UTP18: variants seen among roughly 807,000 people sequenced by gnomAD.
UTP18 encodes U3 small nucleolar RNA-associated protein 18 homolog.
A neutral mutation model predicts 61.1 loss-of-function variants in UTP18; 36 were observed. The observed-to-expected ratio is 0.59, with a 90% confidence interval of 0.45 to 0.78. The LOEUF is 0.78. Ranked by LOEUF, UTP18 falls within the 30% of genes least tolerant of loss-of-function variation. The pLI is 0.00. For synonymous variants in UTP18, 282 were observed against 251.1 expected (o/e 1.12, Z -1.16); for missense variants, 753 against 693.9 (o/e 1.09, Z -0.96).
chr17:51,261,059 C>T, intron 1 of UTP18, 133 bp downstream of exon 1: 1 of 825,694 alleles, frequency 1.2e-6, no homozygotes, highest in Non-Finnish European at 1.6e-6. Flanking sequence ...CCCGAGAACG[C>T]GGGCGCGGAG....
At chr17:51,281,537 A>G (rs1462824090) in intron 9 of UTP18, among the ~76,000 whole-genome samples, 2 of 152,168 alleles carry the variant, frequency 1.3e-5, no homozygotes, top group Admixed American at 6.5e-5. Context: ...AAATCGTAGA[A>G]ATAGAGAATA....
In UTP18 at chr17:51,260,745, C is replaced by A. The variant is rs377075898; in HGVS notation, c.161C>A (p.Pro54Gln). ...PSSQRKPPAR[P>Q]SAAAAAIAVA... ...TCCCAGCGGAAACCGCCGGCCCGGC[C>A]GAGCGCGGCGGCCGCTGCGATTGCA... The change falls in exon 1 of 14, where the codon CCG becomes CAG. Residue 54 changes from proline to glutamine, a missense_variant. Transcript: ENST00000225298. The A allele has an allele frequency of 4.7e-5, 74 of 1,584,536 alleles. 1 individual carries two copies. The African/African-American group carries it at 9.0e-4, about 19-fold the overall frequency.
At chr17:51,280,270 A>T (rs991166867) in intron 8 of UTP18, 119 bp from the exon 9 acceptor site, 12 of 1,324,308 alleles carry the variant, frequency 9.1e-6, no homozygotes, top group Middle Eastern at 2.3e-4. Flanking sequence ...TTTTGATTAC[A>T]GGGAAAAATA....
rs150507626 is a variant in UTP18, at chr17:51,287,094, T to C, written c.1329-935T>C. On this transcript the variant is annotated intron_variant, in intron 10 of 13. Coordinates refer to ENST00000225298, the MANE Select transcript of UTP18 (RefSeq NM_016001.3). ...GGCAAGAAAAACTGCGCAGAAATGA[T>C]CTTCACTCAGATTTGTGAAGCCAGT... 7.6e-3 allele frequency among the ~76,000 whole-genome samples: 1,141 copies of C among 150,762 alleles called. 17 individuals carry two copies. The highest frequency in any genetic ancestry group is 0.026 in the African/African-American group (1,090 of 41,340).
chr17:51,262,202 C>T (rs1396738769), intron 1 of UTP18, among the ~76,000 whole-genome samples: 1 of 152,000 alleles, frequency 6.6e-6, no homozygotes, highest in Non-Finnish European at 1.5e-5. Flanking sequence ...CTGCCTCAGC[C>T]TCTGGAGTAG....
chr17:51,270,416 C>G (rs1197559333), intron 4 of UTP18, among the ~76,000 whole-genome samples: 1 of 152,136 alleles, frequency 6.6e-6, no homozygotes, highest in African/African-American at 2.4e-5. Flanking sequence ...ATTTTATTAT[C>G]CATTTCAGAA....
Position 51,275,955 on chromosome 17 carries a change from G to A in UTP18, c.801G>A (p.Met267Ile), listed in dbSNP as rs1904708377. The A allele has an allele frequency of 3.1e-6, 5 of 1,612,592 alleles. No individual in the cohort carries two copies. The highest frequency in any genetic ancestry group is 4.2e-6 in the Non-Finnish European group (5 of 1,179,506). ...VQFHPGAQIV[M>I]VAGLDNAVSL... ...TCCATCCCGGTGCACAGATTGTGAT[G>A]GTTGCTGGATTAGATAATGCTGTAT... Residue 267 changes from methionine (M) to isoleucine (I), a missense_variant, in exon 6 of 14, where the codon ATG (methionine) becomes ATA (isoleucine). Met to Ile is a conservative substitution (Grantham distance 10). Transcript: ENST00000225298.
intron 7 of UTP18, among the ~76,000 whole-genome samples, chr17:51,277,509 A>G (rs758609033): frequency 6.6e-6 from 1 of 152,222 alleles, no homozygotes; most frequent in Non-Finnish European, 1.5e-5. Flanking sequence ...TTACGGAATG[A>G]TCATAATTTG....
chr17:51,281,223 G>A (rs1295112023), intron 9 of UTP18, among the ~76,000 whole-genome samples: 1 of 150,044 alleles, frequency 6.7e-6, no homozygotes, highest in Non-Finnish European at 1.5e-5. Flanking sequence ...TAGAAAATCA[G>A]ATCTATTTTT....
At chr17:51,288,617 G>T in intron 11 of UTP18, 2 of 456,264 alleles carry the variant, frequency 4.4e-6, no homozygotes, top group South Asian at 1.5e-5. Flanking sequence ...AAATTAAATT[G>T]TATAAAAGTA....
chr17:51,262,483 TCTAA>T (rs1221609933), intron 1 of UTP18, among the ~76,000 whole-genome samples: 3 of 152,128 alleles, frequency 2.0e-5, no homozygotes, highest in African/African-American at 7.2e-5. Flanking sequence ...AGAGATACGG[TCTAA>T]CTTTGTCACC....
intron 11 of UTP18, among the ~76,000 whole-genome samples, chr17:51,292,484 G>A (rs943478439): frequency 2.6e-5 from 4 of 152,252 alleles, no homozygotes; most frequent in Non-Finnish European, 5.9e-5. Flanking sequence ...GGCCTAATAT[G>A]TGACTGACTG....
At chr17:51,262,002 A>G (rs889032066) in intron 1 of UTP18, among the ~76,000 whole-genome samples, 1 of 152,188 alleles carries the variant, frequency 6.6e-6, no homozygotes, top group Non-Finnish European at 1.5e-5. Context: ...GACTAGTAGT[A>G]GAGCAAGTAG....
intron 3 of UTP18, among the ~76,000 whole-genome samples, chr17:51,268,007 G>GTTTTTTTTTTTTTTTTTTTT (rs766635231): frequency 1.5e-5 from 2 of 130,604 alleles, no homozygotes; most frequent in Admixed American, 7.6e-5. Context: ...TTTGTTTTTT[G>GTTTTTTTTTTTTTTTTTTTT]TTTTTTGTTT....
At chr17:51,287,886 C>T (rs971840867) in intron 10 of UTP18, 143 bp from the exon 11 acceptor site, 33 of 523,544 alleles carry the variant, frequency 6.3e-5, no homozygotes, top group Non-Finnish European at 9.5e-5. Flanking sequence ...TATAGGACAT[C>T]TGTGGCTATA....
chr17:51,280,518 C>A, intron 9 of UTP18, 39 bp downstream of exon 9: 7 of 1,606,540 alleles, frequency 4.4e-6, no homozygotes, highest in Non-Finnish European at 6.0e-6. Flanking sequence ...GATATTTTTA[C>A]ATTTTAAATT....
intron 1 of UTP18, among the ~76,000 whole-genome samples, chr17:51,262,091 AT>A (rs770103950): frequency 6.1e-3 from 862 of 142,204 alleles, no homozygotes; most frequent in Non-Finnish European, 6.5e-3. Flanking sequence ...CTAGGTTTAG[AT>A]TTTTTTTTTT....
chr17:51,263,050 C>T (rs1445524997), intron 1 of UTP18, among the ~76,000 whole-genome samples: 1 of 152,198 alleles, frequency 6.6e-6, no homozygotes, highest in Non-Finnish European at 1.5e-5. Flanking sequence ...GACTTTTTCT[C>T]CTTGACTGTT....
At position 51,268,910 on chromosome 17, in the gene UTP18, C is replaced by G. The variant is rs749813973; in HGVS notation, c.622+6C>G. 6.2e-7 allele frequency: 1 copy of G among 1,612,936 alleles called. No homozygotes were observed. Among genetic ancestry groups the G allele is most frequent in the Non-Finnish European group, 8.5e-7 (1 of 1,179,166 alleles). On this transcript the variant is annotated splice_donor_region_variant and intron_variant, in intron 4 of 13. Coordinates refer to ENST00000225298, the MANE Select transcript of UTP18 (RefSeq NM_016001.3). Reference sequence around the variant, plus strand: ...GCGGAAAACATCTTCAGATGGTGAGCGTTGATATTTCTGTTTAAATTAGTA... The same window carrying G: ...GCGGAAAACATCTTCAGATGGTGAGGGTTGATATTTCTGTTTAAATTAGTA...
Sources: allele counts gnomAD v4.1 joint callset (sites outside exome capture counted in the v4.1 genomes callset), GRCh38; gene constraint gnomAD v4.1.1; transcripts MANE v1.5; gene names NCBI Gene and HGNC (gene_info 2026-07-23, HGNC 2026-07-21).